The following ANGPTL1 variants were observed in gnomAD, a reference collection of about 807,000 sequenced individuals.
ANGPTL1 encodes the protein angiopoietin-related protein 1.
ANGPTL1 carries 36 observed loss-of-function variants against 46.7 expected under a neutral mutation model. That is an observed-to-expected ratio of 0.77 (90% CI 0.59 to 1.02). The LOEUF (loss-of-function observed/expected upper bound fraction) is 1.02. ANGPTL1 is among the 50% of genes least tolerant of loss of function. ANGPTL1 has a pLI of 0.00. For synonymous variants in ANGPTL1, 221 were observed against 204.3 expected (o/e 1.08, Z -0.69); for missense variants, 571 against 594.7 (o/e 0.96, Z 0.41).
At chr1:178,863,410 A>C (rs1472056336) in intron 3 of ANGPTL1, among the ~76,000 whole-genome samples, 4 of 152,226 alleles carry the variant, frequency 2.6e-5, no homozygotes, top group Admixed American at 1.3e-4. Flanking sequence ...CTTCAGTGTA[A>C]TATCATATAG....
intron 3 of ANGPTL1, among the ~76,000 whole-genome samples, chr1:178,859,983 C>A (rs1401142541): frequency 6.6e-6 from 1 of 151,972 alleles, no homozygotes; most frequent in Non-Finnish European, 1.5e-5. Context: ...ACACAAAGCA[C>A]TTCTACCTGT....
chr1:178,852,843 A>G lies in ANGPTL1; in HGVS notation c.1128T>C (p.Asp376=). The stretch of plus-strand genomic sequence containing the variant: ...TGCTGTATTCTGCATAGACTTTTTT[A>G]TCACTCCAGTCTTCTAATTCAATCA... ...KLLIELEDWS[D]KKVYAEYSSF... The change falls in exon 5 of 6, where the codon GAT becomes GAC. Residue 376 remains aspartate (D), a synonymous_variant. Transcript: ENST00000234816. The G allele has an allele frequency of 6.2e-7, 1 of 1,613,872 alleles. No individual in the cohort carries two copies. The highest frequency in any genetic ancestry group is 2.2e-5 in the East Asian group (1 of 44,860).
rs751800080 is a variant in ANGPTL1 at position 178,865,392 on chromosome 1, G to A, written c.385C>T (p.Arg129Cys). ...LRKESRNMNS[R>C]VTQLYMQLLH... ...AATTGCATATAGAGTTGAGTAACAC[G>A]AGAGTTCATGTTACGGCTTTCCTTT... The change falls in exon 3 of 6, where the codon CGT (arginine) becomes TGT (cysteine). Residue 129 changes from arginine (R) to cysteine (C), a missense_variant. By Grantham distance (180) the Arg-to-Cys change is radical (BLOSUM62 -3). Transcript: ENST00000234816. 14 of 1,613,882 alleles carry A rather than the reference G, an allele frequency of 8.7e-6. No individual in the cohort carries two copies. Among genetic ancestry groups the A allele is most frequent in the African/African-American group, 2.7e-5 (2 of 74,896 alleles).
rs148863716 is a variant in ANGPTL1 at position 178,851,276 on chromosome 1, A to G, written c.1329T>C (p.Asn443=). Residue 443 remains asparagine, a synonymous_variant, in exon 6 of 6, where the codon AAT becomes AAC. Transcript: ENST00000234816. ...CATTTAGGTTAGAATGTGCACAGGC[A>G]TTGTACCACCAGCCTCCTTTATGAA... The part of the protein sequence containing the change: ...AHFHKGGWWY[N]ACAHSNLNGV... 3.5e-5 allele frequency: 57 copies of G among 1,613,372 alleles called. No homozygotes were observed. Among genetic ancestry groups the G allele is most frequent in the Admixed American group, 3.3e-4 (20 of 59,894 alleles).
At chr1:178,861,905 C>G (rs957694847) in intron 3 of ANGPTL1, among the ~76,000 whole-genome samples, 7 of 152,102 alleles carry the variant, frequency 4.6e-5, no homozygotes, top group African/African-American at 1.7e-4. Flanking sequence ...TTGAGTCTCA[C>G]TCTGTTGCCC....
chr1:178,862,575 A>G (rs1447222319), intron 3 of ANGPTL1, among the ~76,000 whole-genome samples: 3 of 150,914 alleles, frequency 2.0e-5, no homozygotes, highest in African/African-American at 7.4e-5. Context: ...CAAGGGCCTC[A>G]AGGAGGAGTT....
Position 178,869,212 on chromosome 1 carries a change from C to T in ANGPTL1, c.-125G>A, listed in dbSNP as rs923623282. 2.6e-5 allele frequency: 4 copies of T among 152,026 alleles called. No homozygotes were observed. Among genetic ancestry groups the T allele is most frequent in the Non-Finnish European group, 5.9e-5 (4 of 67,936 alleles). The allele number at this position is 152,026 out of a possible 1,614,324, so 9.4% of individuals were successfully genotyped here. A position where few individuals can be genotyped will look rare whatever the true frequency, so the allele number is the denominator to read the frequency against. On this transcript the variant is annotated 5_prime_UTR_variant, in exon 2 of 6. Coordinates refer to ENST00000234816, the MANE Select transcript of ANGPTL1 (RefSeq NM_004673.4). ...TTAGTAGCTTTTCTCTTCATAGTTG[C>T]TATATTGCCAGCTAGTAGAGAGAAG... is the stretch of plus-strand genomic sequence containing the variant.
chr1:178,853,030 AT>A, intron 4 of ANGPTL1, 77 bp from the exon 5 acceptor site: 1 of 1,507,234 alleles, frequency 6.6e-7, no homozygotes, highest in Non-Finnish European at 8.8e-7. Context: ...AGTGTTAAAC[AT>A]TCGATAGCAT....
At chr1:178,852,167 A>C (rs1202199703) in intron 5 of ANGPTL1, among the ~76,000 whole-genome samples, 1 of 152,088 alleles carries the variant, frequency 6.6e-6, no homozygotes, top group Admixed American at 6.6e-5. Context: ...TTGCTTTCTC[A>C]CAGCAGATTT....
In ANGPTL1 at chr1:178,865,263, A is replaced by G. The variant is rs148445261; in HGVS notation, c.514T>C (p.Tyr172His). 3.4e-5 allele frequency: 55 copies of G among 1,613,992 alleles called. No individual in the cohort carries two copies. The highest frequency in any genetic ancestry group is 4.5e-5 in the Non-Finnish European group (53 of 1,179,998). The change falls in exon 3 of 6, where the codon TAC (tyrosine) becomes CAC (histidine). Residue 172 changes from tyrosine to histidine, a missense_variant. Physicochemically the swap from Tyr to His is moderately conservative, Grantham distance 83 (BLOSUM62 2). Transcript: ENST00000234816. ...GCGTATTTCACCTCTAGTTCCCTGT[A>G]TCTTGTTGCCATCTTCAACATTTCT... ...TTEMLKMATR[Y>H]RELEVKYASL...
Position 178,850,462 on chromosome 1 carries a change from C to T in ANGPTL1, c.*667G>A. The stretch of plus-strand genomic sequence containing the variant: ...CTGAAAAATTCATTCATAGATTTGT[C>T]TTTATAAATTGACCATTTAAATTAT... On this transcript the variant is annotated 3_prime_UTR_variant, in exon 6 of 6. Coordinates refer to ENST00000234816, the MANE Select transcript of ANGPTL1 (RefSeq NM_004673.4). The T allele has an allele frequency of 6.6e-6, 1 of 151,564 alleles. No homozygotes were observed. Among genetic ancestry groups the T allele is most frequent in the African/African-American group, 2.4e-5 (1 of 41,252 alleles). 9.4% of individuals were successfully genotyped at this position (151,564 alleles called of 1,614,324 possible). A position where few individuals can be genotyped will look rare whatever the true frequency, so the allele number is the denominator to read the frequency against.
chr1:178,851,240 G>C lies in ANGPTL1; in HGVS notation c.1365C>G (p.Tyr455Ter). The C allele has an allele frequency of 6.2e-7, 1 of 1,613,912 alleles. No individual in the cohort carries two copies. Among genetic ancestry groups the C allele is most frequent in the Non-Finnish European group, 8.5e-7 (1 of 1,179,904 alleles). ...GCTTGCTTCTGTAATGGCCTCCTCT[G>C]TACCATACTCCATTTAGGTTAGAAT... ...CAHSNLNGVW[Y>*]RGGHYRSKHQ... Residue 455 changes from tyrosine (Y) to a stop codon, truncating the protein, a stop_gained, in exon 6 of 6, where the codon TAC becomes TAG. Coordinates refer to ENST00000234816, the MANE Select transcript of ANGPTL1 (RefSeq NM_004673.4). LOFTEE classifies it high-confidence loss of function.
intron 3 of ANGPTL1, among the ~76,000 whole-genome samples, chr1:178,859,349 C>G (rs1657800237): frequency 6.6e-6 from 1 of 151,066 alleles, no homozygotes; most frequent in African/African-American, 2.4e-5. Context: ...TAAAATAAGC[C>G]TACCACTAAA....
intron 5 of ANGPTL1, among the ~76,000 whole-genome samples, chr1:178,851,684 A>G (rs1657184268): frequency 6.6e-6 from 1 of 152,202 alleles, no homozygotes; most frequent in East Asian, 1.9e-4. Flanking sequence ...AATTGTCAAA[A>G]TAAAATAGCA....
rs139383473 is a variant in ANGPTL1 at position 178,853,214 on chromosome 1, G to A, written c.1018-261C>T. 13 of 985,182 alleles carry A rather than the reference G, an allele frequency of 1.3e-5. No individual in the cohort carries two copies. In the East Asian group the frequency reaches 1.0e-3, roughly 77 times the overall value. The allele number at this position is 985,182 out of a possible 1,614,324, so 61.0% of individuals were successfully genotyped here. ...CCTACAAATAAGACAATGCAAATGA[G>A]AATAAAATTTATCCATAGCTACTAA... On this transcript the variant is annotated intron_variant, in intron 4 of 5. Transcript: ENST00000234816.
intron 3 of ANGPTL1, among the ~76,000 whole-genome samples, chr1:178,857,293 T>C (rs1572410942): frequency 6.6e-6 from 1 of 152,200 alleles, no homozygotes; most frequent in East Asian, 1.9e-4. Flanking sequence ...TATGTAGATA[T>C]GAAACTATGT....
rs1657094550 is a variant in ANGPTL1 at position 178,850,395 on chromosome 1, T to C, written c.*734A>G. On this transcript the variant is annotated 3_prime_UTR_variant, in exon 6 of 6. Coordinates refer to ENST00000234816, the MANE Select transcript of ANGPTL1 (RefSeq NM_004673.4). ...GATTTTAGAACTACATAAAATGCATTTCTGGAGATTTTGGTGTTCAGCATA... is the reference window on the plus strand; with the variant it reads ...GATTTTAGAACTACATAAAATGCATCTCTGGAGATTTTGGTGTTCAGCATA... 1 of 152,484 alleles carries C rather than the reference T, an allele frequency of 6.6e-6. No homozygotes were observed. Among genetic ancestry groups the C allele is most frequent in the Non-Finnish European group, 1.5e-5 (1 of 68,026 alleles). 9.4% of individuals were successfully genotyped at this position (152,484 alleles called of 1,614,324 possible).
In ANGPTL1 at chr1:178,851,227, A is replaced by C; in HGVS notation, c.1378T>G (p.Tyr460Asp). 1 of 1,614,020 alleles carries C rather than the reference A, an allele frequency of 6.2e-7. No individual in the cohort carries two copies. The highest frequency in any genetic ancestry group is 8.5e-7 in the Non-Finnish European group (1 of 1,179,936). Residue 460 changes from tyrosine (Y) to aspartate (D), a missense_variant, in exon 6 of 6, where the codon TAC becomes GAC. Transcript: ENST00000234816. ...LNGVWYRGGHYRSKHQDGIFW... is the reference protein window; with the variant it reads ...LNGVWYRGGHDRSKHQDGIFW... Reference sequence around the variant, plus strand: ...ATTCCATCTTGGTGCTTGCTTCTGTAATGGCCTCCTCTGTACCATACTCCA... The same window carrying C: ...ATTCCATCTTGGTGCTTGCTTCTGTCATGGCCTCCTCTGTACCATACTCCA...
At chr1:178,859,820 GCC>G (rs796122342) in intron 3 of ANGPTL1, among the ~76,000 whole-genome samples, 748 of 9,042 alleles carry the variant, frequency 0.083, 91 homozygotes, top group African/African-American at 0.21. Flanking sequence ...GCCTCTGCCC[GCC>G]CCCCCCCCCC....
Sources: allele counts gnomAD v4.1 joint callset (sites outside exome capture counted in the v4.1 genomes callset), GRCh38; gene constraint gnomAD v4.1.1; transcripts MANE v1.5; gene names NCBI Gene and HGNC (gene_info 2026-07-23, HGNC 2026-07-21).